Variants in LAMA2 observed in about 807,000 individuals in gnomAD.
LAMA2 encodes laminin subunit alpha 2.
LAMA2 carries 269 observed loss-of-function variants against 364.8 expected under a neutral mutation model. That is an observed-to-expected ratio of 0.74 (90% confidence interval 0.67 to 0.82). The LOEUF is 0.82. Ranked by LOEUF, LAMA2 falls within the 40% of genes least tolerant of loss-of-function variation. The pLI, the probability that LAMA2 is intolerant of heterozygous loss-of-function variation, is 0.00. For synonymous variants in LAMA2, 1,379 were observed against 1,370.6 expected (o/e 1.01, Z -0.14); for missense variants, 3,807 against 3,873.2 (o/e 0.98, Z 0.45).
intron 29 of LAMA2, among the ~76,000 whole-genome samples, chr6:129,330,592 G>T (rs12211745): frequency 0.42 from 32,448 of 76,494 alleles, 4,735 homozygotes; most frequent in Non-Finnish European, 0.47. Flanking sequence ...TTGTTGTTTG[G>T]TTTTTGTTTT....
intron 1 of LAMA2, among the ~76,000 whole-genome samples, chr6:128,909,162 C>T (rs1777710012): frequency 6.6e-6 from 1 of 151,748 alleles, no homozygotes; most frequent in African/African-American, 2.4e-5. Flanking sequence ...CCGCTTGGTG[C>T]AGAGCTGAGT....
At chr6:129,399,169 A>G (rs545225253) in intron 37 of LAMA2, among the ~76,000 whole-genome samples, 43 of 152,220 alleles carry the variant, frequency 2.8e-4, no homozygotes, top group Non-Finnish European at 6.2e-4. Context: ...AATCTATATA[A>G]AAAAGAAAAT....
At chr6:128,887,445 GAATT>G (rs1309399816) in intron 1 of LAMA2, among the ~76,000 whole-genome samples, 1 of 151,844 alleles carries the variant, frequency 6.6e-6, no homozygotes, top group Non-Finnish European at 1.5e-5. Flanking sequence ...AGATGTGATA[GAATT>G]AATAAAATTT....
chr6:129,512,879 T>C (rs1370777666), intron 63 of LAMA2, among the ~76,000 whole-genome samples: 8 of 152,180 alleles, frequency 5.3e-5, no homozygotes, highest in Non-Finnish European at 1.0e-4. Flanking sequence ...AAAATTAGTC[T>C]GCCTCTTTTA....
rs757884993 is a variant in LAMA2 at position 129,177,660 on chromosome 6, A to G, written c.1307-46A>G. On this transcript the variant is annotated intron_variant, in intron 9 of 64. Coordinates refer to ENST00000421865, the MANE Select transcript of LAMA2 (RefSeq NM_000426.4). ...TCATTAAAACTTTAACAACTAAATT[A>G]TGTACTTGTTTTAGAAATGTTGATA... The G allele has an allele frequency of 4.8e-5, 77 of 1,590,366 alleles. 1 individual carries two copies. The Admixed American group carries it at 1.3e-3, about 26-fold the overall frequency.
intron 14 of LAMA2, among the ~76,000 whole-genome samples, chr6:129,253,662 G>T (rs893642682): frequency 6.6e-6 from 1 of 152,294 alleles, no homozygotes; most frequent in Non-Finnish European, 1.5e-5. Context: ...CTTTCAAAAT[G>T]AATGACAACC....
chr6:129,121,634 C>T (rs2114919531), intron 4 of LAMA2, among the ~76,000 whole-genome samples: 1 of 152,224 alleles, frequency 6.6e-6, no homozygotes, highest in Non-Finnish European at 1.5e-5. Context: ...AAATTGTAGG[C>T]TTTAGAAAAA....
rs150730793 is a variant in LAMA2, at chr6:129,445,818, T to C, written c.6426T>C (p.Asn2142=). The C allele has an allele frequency of 2.7e-5, 44 of 1,612,348 alleles. 1 individual carries two copies. The African/African-American group carries it at 5.7e-4, about 21-fold the overall frequency. The change falls in exon 45 of 65, where the codon AAT becomes AAC. Residue 2142 remains asparagine, a synonymous_variant. Transcript: ENST00000421865. ...ELINQARKQA[N]SIKVSVSSGG... is the part of the protein sequence containing the mutation. ...TAAACCAAGCTCGGAAACAAGCCAA[T>C]TCTGTAAGTTCTTTTTATCGTCAGT...
chr6:129,177,960 A>G (rs1780709188), intron 10 of LAMA2, 94 bp downstream of exon 10: 1 of 1,269,364 alleles, frequency 7.9e-7, no homozygotes, highest in East Asian at 2.4e-5. Context: ...AGCAATTTTA[A>G]TGACTTCTGG....
chr6:129,459,389 G>A (rs1211258596), intron 48 of LAMA2, among the ~76,000 whole-genome samples: 1 of 152,044 alleles, frequency 6.6e-6, no homozygotes, highest in Non-Finnish European at 1.5e-5. Flanking sequence ...GGAGGGACCA[G>A]GTCATTCTCT....
At chr6:128,956,997 T>C (rs1338539840) in intron 1 of LAMA2, among the ~76,000 whole-genome samples, 3 of 152,112 alleles carry the variant, frequency 2.0e-5, no homozygotes, top group Non-Finnish European at 2.9e-5. Context: ...TTTGGGTCCA[T>C]CCAGAAGATG....
chr6:129,030,744 A>C (rs574811704), intron 1 of LAMA2, among the ~76,000 whole-genome samples: 62 of 152,118 alleles, frequency 4.1e-4, no homozygotes, highest in Non-Finnish European at 5.1e-4. Flanking sequence ...TCCATGAAGA[A>C]GTTTTTTTTC....
chr6:129,132,341 T>C (rs1460914554), intron 4 of LAMA2, among the ~76,000 whole-genome samples: 1 of 152,064 alleles, frequency 6.6e-6, no homozygotes, highest in Non-Finnish European at 1.5e-5. Flanking sequence ...TAATTTTTTG[T>C]ATTTTTAGTA....
intron 1 of LAMA2, among the ~76,000 whole-genome samples, chr6:128,933,336 T>C (rs929594582): frequency 5.3e-5 from 8 of 152,074 alleles, no homozygotes; most frequent in African/African-American, 1.7e-4. Flanking sequence ...ACTTAGGCCA[T>C]TTATTTATCT....
At chr6:129,065,486 C>T (rs1238903857) in intron 3 of LAMA2, among the ~76,000 whole-genome samples, 1 of 152,048 alleles carries the variant, frequency 6.6e-6, no homozygotes, top group African/African-American at 2.4e-5. Flanking sequence ...TTGCAGATGA[C>T]ATAATCTTAC....
At chr6:129,389,542 G>A (rs1035488958) in intron 35 of LAMA2, among the ~76,000 whole-genome samples, 2 of 152,062 alleles carry the variant, frequency 1.3e-5, no homozygotes, top group Admixed American at 6.6e-5. Flanking sequence ...CCTCTCAAAG[G>A]CTCTGTATTA....
intron 60 of LAMA2, among the ~76,000 whole-genome samples, chr6:129,504,849 T>C (rs981153176): frequency 6.6e-6 from 1 of 152,226 alleles, no homozygotes; most frequent in African/African-American, 2.4e-5. Flanking sequence ...TGCATGAATT[T>C]TGCTACCCAC....
chr6:129,146,603 G>T (rs955501455), intron 5 of LAMA2, among the ~76,000 whole-genome samples: 1 of 151,998 alleles, frequency 6.6e-6, no homozygotes, highest in Admixed American at 6.6e-5. Flanking sequence ...ATAAAAGAGG[G>T]TTTCTTGCAA....
At chr6:128,958,583 C>G (rs1263964969) in intron 1 of LAMA2, among the ~76,000 whole-genome samples, 1 of 152,084 alleles carries the variant, frequency 6.6e-6, no homozygotes, top group Non-Finnish European at 1.5e-5. Context: ...CATCATCATC[C>G]TTACAATAGG....
Sources: gnomAD v4.1 joint callset for allele counts (sites outside exome capture counted in the v4.1 genomes callset) on GRCh38, gnomAD v4.1.1 for gene constraint, MANE v1.5 for transcripts, NCBI Gene and HGNC (gene_info 2026-07-23, HGNC 2026-07-21) for gene names.